CACNA2D1: variants seen among roughly 807,000 people sequenced by gnomAD.
The protein encoded by CACNA2D1 is voltage-dependent calcium channel subunit alpha-2/delta-1.
Under a neutral mutation model 171.5 loss-of-function variants are expected in CACNA2D1, and 53 were observed. The ratio of observed to expected loss-of-function variants is 0.31; its 90% CI spans 0.25 to 0.39. The LOEUF (loss-of-function observed/expected upper bound fraction) is 0.39, where lower values mean the gene tolerates loss of function less well. Among genes scored for constraint, CACNA2D1 ranks in the 10% least tolerant of loss-of-function variants. CACNA2D1 has a pLI of 1.00. For synonymous variants in CACNA2D1, 442 were observed against 443.1 expected, an observed-to-expected ratio of 1.00 and a Z score of 0.03; for missense variants, 903 against 1,299.8, an observed-to-expected ratio of 0.69 and a Z score of 4.69.
chr7:82,134,790 ATT>A (rs915309528), intron 5 of CACNA2D1, among the ~76,000 whole-genome samples: 41 of 152,138 alleles, frequency 2.7e-4, no homozygotes, highest in Non-Finnish European at 8.8e-5. Context: ...TTGAATGAAC[ATT>A]AGTGAAGGCA....
intron 3 of CACNA2D1, among the ~76,000 whole-genome samples, chr7:82,183,801 C>T (rs961441208): frequency 1.3e-5 from 2 of 152,100 alleles, no homozygotes; most frequent in Non-Finnish European, 2.9e-5. Context: ...GTACGTTACG[C>T]TCCCAAGATT....
intron 5 of CACNA2D1, 141 bp downstream of exon 5, chr7:82,136,494 A>G (rs1395186624): frequency 9.9e-6 from 6 of 605,078 alleles, no homozygotes; most frequent in Non-Finnish European, 1.5e-5. Flanking sequence ...GTTCTTCATT[A>G]TCTCGTATCT....
At chr7:82,441,589 T>C (rs1830507246) in intron 1 of CACNA2D1, among the ~76,000 whole-genome samples, 1 of 152,276 alleles carries the variant, frequency 6.6e-6, no homozygotes, top group Non-Finnish European at 1.5e-5. Flanking sequence ...GCAGATGTTC[T>C]TCTTAACAAT....
intron 3 of CACNA2D1, among the ~76,000 whole-genome samples, chr7:82,204,497 A>C (rs1799813089): frequency 6.6e-6 from 1 of 152,066 alleles, no homozygotes; most frequent in African/African-American, 2.4e-5. Flanking sequence ...TTAATGTATG[A>C]AGCAACATTA....
At chr7:82,411,375 A>C (rs1827633072) in intron 1 of CACNA2D1, among the ~76,000 whole-genome samples, 1 of 152,214 alleles carries the variant, frequency 6.6e-6, no homozygotes, top group Non-Finnish European at 1.5e-5. Flanking sequence ...ATTTATAAAA[A>C]CGAAAATAAC....
chr7:82,076,209 T>C (rs748837869), intron 7 of CACNA2D1, among the ~76,000 whole-genome samples: 2 of 152,140 alleles, frequency 1.3e-5, no homozygotes, highest in African/African-American at 2.4e-5. Flanking sequence ...ATAATCATGA[T>C]GAAATCAGAA....
At chr7:82,248,543 T>C (rs1805206048) in intron 3 of CACNA2D1, among the ~76,000 whole-genome samples, 1 of 152,198 alleles carries the variant, frequency 6.6e-6, no homozygotes, top group Non-Finnish European at 1.5e-5. Context: ...GGCTAATACT[T>C]TGAAGAACAA....
rs202121051 is a variant in CACNA2D1 at position 82,286,727 on chromosome 7, CA to C, written c.294+48407del. ...TAAAAAGCTTTAGTTTATTCTCACA[CA>C]AAAAAAGAAAGAAAGCAAAAAGAAA... On this transcript the variant is annotated intron_variant, in intron 3 of 38. Coordinates refer to ENST00000356860, the MANE Select transcript of CACNA2D1 (RefSeq NM_000722.4). Among the ~76,000 whole-genome samples, 8 of 151,884 alleles carry C rather than the reference CA, an allele frequency of 5.3e-5. No individual in the cohort carries two copies. In the East Asian group the frequency reaches 5.8e-4, roughly 11 times the overall value.
At chr7:82,081,376 C>T (rs896365137) in intron 7 of CACNA2D1, among the ~76,000 whole-genome samples, 4 of 152,200 alleles carry the variant, frequency 2.6e-5, no homozygotes, top group African/African-American at 4.8e-5. Flanking sequence ...GAAACACAAT[C>T]GCCCACTTTT....
intron 38 of CACNA2D1, among the ~76,000 whole-genome samples, chr7:81,958,628 A>G (rs1793724495): frequency 6.6e-6 from 1 of 152,068 alleles, no homozygotes; most frequent in African/African-American, 2.4e-5. Context: ...TAGCTGAACT[A>G]TAGGAAAAGT....
intron 3 of CACNA2D1, among the ~76,000 whole-genome samples, chr7:82,182,505 T>C (rs959499665): frequency 6.6e-6 from 1 of 151,432 alleles, no homozygotes; most frequent in Non-Finnish European, 1.5e-5. Flanking sequence ...AACTGTAAAA[T>C]GTAGTATAAT....
chr7:82,429,794 G>C (rs180714081), intron 1 of CACNA2D1, among the ~76,000 whole-genome samples: 1 of 150,684 alleles, frequency 6.6e-6, no homozygotes, highest in Admixed American at 6.5e-5. Flanking sequence ...TGGGAACTAA[G>C]CTACCCATTC....
intron 3 of CACNA2D1, among the ~76,000 whole-genome samples, chr7:82,280,071 AT>A (rs1214110571): frequency 2.6e-5 from 4 of 152,210 alleles, no homozygotes; most frequent in Non-Finnish European, 5.9e-5. Context: ...AAAACCTGGT[AT>A]TGATTTATTT....
At chr7:82,257,998 C>A (rs1207699826) in intron 3 of CACNA2D1, among the ~76,000 whole-genome samples, 6 of 152,160 alleles carry the variant, frequency 3.9e-5, no homozygotes, top group Admixed American at 6.5e-5. Context: ...TGGAGGGAGA[C>A]CCCAGTGTTG....
At chr7:82,047,286 A>C (rs987764221) in intron 10 of CACNA2D1, among the ~76,000 whole-genome samples, 2 of 152,166 alleles carry the variant, frequency 1.3e-5, no homozygotes, top group Non-Finnish European at 2.9e-5. Context: ...AACCTTAATG[A>C]AATGATGAAA....
chr7:82,362,650 C>A (rs1821199932), intron 1 of CACNA2D1, among the ~76,000 whole-genome samples: 5 of 152,154 alleles, frequency 3.3e-5, no homozygotes, highest in Admixed American at 3.3e-4. Context: ...TCTGGTTTAT[C>A]CTCTCATGTC....
chr7:82,250,648 T>A (rs1805525033), intron 3 of CACNA2D1, among the ~76,000 whole-genome samples: 1 of 152,198 alleles, frequency 6.6e-6, no homozygotes, highest in South Asian at 2.1e-4. Flanking sequence ...AAATACCAAC[T>A]TCTAACATCA....
At chr7:82,391,001 C>A (rs1825058204) in intron 1 of CACNA2D1, among the ~76,000 whole-genome samples, 1 of 151,880 alleles carries the variant, frequency 6.6e-6, no homozygotes. Flanking sequence ...TTTTTTCCTC[C>A]TTCTAAGGTA....
chr7:82,140,307 A>T (rs1792219190), intron 4 of CACNA2D1, among the ~76,000 whole-genome samples: 1 of 152,206 alleles, frequency 6.6e-6, no homozygotes, highest in Admixed American at 6.5e-5. Flanking sequence ...CCGTAAAACT[A>T]AATTTCTTCT....
Sources: allele counts gnomAD v4.1 joint callset (sites outside exome capture counted in the v4.1 genomes callset), GRCh38; gene constraint gnomAD v4.1.1; transcripts MANE v1.5; gene names NCBI Gene and HGNC (gene_info 2026-07-23, HGNC 2026-07-21).